DNAH14: variants seen among roughly 807,000 people sequenced by gnomAD.
DNAH14 encodes axonemal beta dynein heavy chain 14.
In DNAH14, 478 loss-of-function variants were observed where a neutral mutation model predicts 520.9. That is an observed-to-expected ratio of 0.92 (90% CI 0.85 to 0.99). DNAH14 has a LOEUF of 0.99. Among genes scored for constraint, DNAH14 ranks in the 50% least tolerant of loss-of-function variants. The probability of loss-of-function intolerance (pLI) is 0.00; values close to 1 mark genes in which losing one functional copy is unlikely to be tolerated. For missense variants in DNAH14, 4,831 were observed against 5,234.5 expected (o/e 0.92, Z 2.38); for synonymous variants, 1,581 against 1,757.2 (o/e 0.90, Z 2.51).
intron 36 of DNAH14, among the ~76,000 whole-genome samples, chr1:225,171,097 G>A (rs1358412826): frequency 2.0e-5 from 3 of 152,066 alleles, no homozygotes; most frequent in Non-Finnish European, 2.9e-5. Context: ...GCATACCAGA[G>A]TCTCTGGGAC....
intron 71 of DNAH14, among the ~76,000 whole-genome samples, chr1:225,347,987 T>A (rs2095312214): frequency 6.6e-6 from 1 of 152,062 alleles, no homozygotes; most frequent in Non-Finnish European, 1.5e-5. Flanking sequence ...GTCAGTTAAA[T>A]GATGCATGAA....
intron 25 of DNAH14, among the ~76,000 whole-genome samples, chr1:225,118,499 G>C (rs1559014264): frequency 6.6e-6 from 1 of 152,064 alleles, no homozygotes; most frequent in Non-Finnish European, 1.5e-5. Context: ...TTTGGCAAGT[G>C]GTCCTGATGT....
At chr1:225,138,950 C>A (rs910525927) in intron 27 of DNAH14, among the ~76,000 whole-genome samples, 1 of 151,936 alleles carries the variant, frequency 6.6e-6, no homozygotes, top group Non-Finnish European at 1.5e-5. Context: ...TGCTTCTAAT[C>A]GGTCATCTTA....
At chr1:225,321,138 A>G (rs1390508212) in intron 61 of DNAH14, among the ~76,000 whole-genome samples, 1 of 152,202 alleles carries the variant, frequency 6.6e-6, no homozygotes, top group Non-Finnish European at 1.5e-5. Context: ...TTTCAGAATA[A>G]AGTGCTAATG....
intron 28 of DNAH14, among the ~76,000 whole-genome samples, chr1:225,141,639 C>A (rs1198031781): frequency 6.6e-6 from 1 of 152,090 alleles, no homozygotes; most frequent in African/African-American, 2.4e-5. Context: ...TTGATAGTTA[C>A]ATTCTCCCAT....
intron 7 of DNAH14, 78 bp downstream of exon 7, chr1:224,968,952 T>A: frequency 1.1e-6 from 1 of 939,496 alleles, no homozygotes; most frequent in Non-Finnish European, 1.6e-6. Context: ...ACATCTGGGT[T>A]CTACTACAGT....
At chr1:224,968,582 G>C (rs2061330986) in intron 6 of DNAH14, among the ~76,000 whole-genome samples, 177 bp from the exon 7 acceptor site, 1 of 152,096 alleles carries the variant, frequency 6.6e-6, no homozygotes, top group Admixed American at 6.5e-5. Context: ...AGTGTGTTGA[G>C]GGAAATCAAA....
intron 37 of DNAH14, among the ~76,000 whole-genome samples, chr1:225,190,282 A>G (rs541859507): frequency 2.0e-5 from 3 of 152,166 alleles, no homozygotes; most frequent in African/African-American, 7.2e-5. Context: ...TGTGATCTCT[A>G]TCTCTCAAAA....
intron 8 of DNAH14, among the ~76,000 whole-genome samples, chr1:224,991,084 CTT>C (rs1197927461): frequency 0.046 from 3,597 of 77,872 alleles, 291 homozygotes; most frequent in East Asian, 0.22. Context: ...TGATGTTGAG[CTT>C]TTTTTTTTTT....
chr1:225,280,925 T>C (rs1288481739), intron 54 of DNAH14, among the ~76,000 whole-genome samples: 1 of 152,194 alleles, frequency 6.6e-6, no homozygotes, highest in Non-Finnish European at 1.5e-5. Flanking sequence ...TATTTCCAGA[T>C]AAACAGCTCT....
chr1:225,006,680 A>G (rs1463584463), intron 9 of DNAH14, among the ~76,000 whole-genome samples: 1 of 152,214 alleles, frequency 6.6e-6, no homozygotes, highest in Non-Finnish European at 1.5e-5. Flanking sequence ...TAAGACATTT[A>G]TCGATGACAA....
At chr1:225,072,485 T>A (rs1363640509) in intron 17 of DNAH14, among the ~76,000 whole-genome samples, 1 of 152,220 alleles carries the variant, frequency 6.6e-6, no homozygotes, top group East Asian at 1.9e-4. Context: ...ACAATGTACT[T>A]CTTTAGCTCA....
chr1:225,084,614 C>T (rs1395770039), intron 20 of DNAH14, among the ~76,000 whole-genome samples: 1 of 151,780 alleles, frequency 6.6e-6, no homozygotes, highest in East Asian at 1.9e-4. Context: ...ATATGATGAA[C>T]ACTATCATTT....
intron 23 of DNAH14, among the ~76,000 whole-genome samples, chr1:225,101,661 C>A (rs1315295876): frequency 6.6e-6 from 1 of 152,132 alleles, no homozygotes; most frequent in Non-Finnish European, 1.5e-5. Flanking sequence ...ACCTGCAGTT[C>A]TATCCATGTT....
intron 3 of DNAH14, 118 bp from the exon 4 acceptor site, chr1:224,960,035 A>T (rs2060745537): frequency 3.0e-6 from 3 of 999,100 alleles, no homozygotes; most frequent in Non-Finnish European, 4.1e-6. Context: ...CTGTGCTCTT[A>T]ACTACCATGC....
intron 54 of DNAH14, among the ~76,000 whole-genome samples, chr1:225,286,473 G>A (rs953520177): frequency 2.0e-5 from 3 of 151,940 alleles, no homozygotes; most frequent in Non-Finnish European, 4.4e-5. Flanking sequence ...CCTTACAAAA[G>A]CATATGAAAA....
rs2080024708 is a variant in DNAH14, at chr1:225,147,124, T to C, written c.4815T>C (p.Phe1605=). Residue 1605 remains phenylalanine, a synonymous_variant, in exon 31 of 86, where the codon TTT becomes TTC. Coordinates refer to ENST00000682510, the MANE Select transcript of DNAH14 (RefSeq NM_001367479.1). ...LDYKIVRKFF[F]GLVQSGAWSC... The stretch of plus-strand genomic sequence containing the variant: ...AAAAGATAGTGAGAAAATTTTTCTT[T>C]GGACTAGTTCAGTCAGGAGCATGGA... The C allele has an allele frequency of 6.6e-7, 1 of 1,522,336 alleles. No individual in the cohort carries two copies. Among genetic ancestry groups the C allele is most frequent in the Admixed American group, 2.3e-5 (1 of 42,758 alleles). 94.3% of individuals were successfully genotyped at this position (1,522,336 alleles called of 1,614,324 possible).
chr1:225,193,901 A>G (rs1252462217), intron 38 of DNAH14, among the ~76,000 whole-genome samples: 1 of 152,156 alleles, frequency 6.6e-6, no homozygotes, highest in African/African-American at 2.4e-5. Flanking sequence ...CTATACACCA[A>G]TAATGTCCAA....
At chr1:225,208,067 C>G (rs1421834254) in intron 41 of DNAH14, among the ~76,000 whole-genome samples, 1 of 152,072 alleles carries the variant, frequency 6.6e-6, no homozygotes, top group Non-Finnish European at 1.5e-5. Flanking sequence ...ACTGCCACCC[C>G]CCTTCAAATC....
Sources: allele counts gnomAD v4.1 joint callset (sites outside exome capture counted in the v4.1 genomes callset), GRCh38; gene constraint gnomAD v4.1.1; transcripts MANE v1.5; gene names NCBI Gene and HGNC (gene_info 2026-07-23, HGNC 2026-07-21).